Variants in ULK4 observed in about 807,000 individuals in gnomAD.
The protein encoded by ULK4 is inactive serine/threonine-protein kinase ULK4.
ULK4 carries 133 observed loss-of-function variants against 160.6 expected under a neutral mutation model. The ratio of observed to expected loss-of-function variants is 0.83; its 90% CI spans 0.72 to 0.96. ULK4 has a LOEUF of 0.96. ULK4 is among the 40% of genes least tolerant of loss of function. The pLI is 0.00. For missense variants in ULK4, 1,580 were observed against 1,499.5 expected, an observed-to-expected ratio of 1.05 and a Z score of -0.89; for synonymous variants, 534 against 539.8, an observed-to-expected ratio of 0.99 and a Z score of 0.15.
At chr3:41,326,450 A>T (rs2080339742) in intron 35 of ULK4, among the ~76,000 whole-genome samples, 1 of 136,894 alleles carries the variant, frequency 7.3e-6, no homozygotes, top group Non-Finnish European at 1.5e-5. Flanking sequence ...ATGCATATAT[A>T]CATATATATA....
chr3:41,812,739 C>T (rs2040853969), intron 19 of ULK4, among the ~76,000 whole-genome samples: 1 of 152,212 alleles, frequency 6.6e-6, no homozygotes, highest in South Asian at 2.1e-4. Flanking sequence ...CCTTCCATTG[C>T]TTTGCCCTTC....
chr3:41,854,950 A>T (rs921274618), intron 17 of ULK4: 3 of 51,078 alleles, frequency 5.9e-5, no homozygotes, highest in East Asian at 7.1e-4. Context: ...TCCTTGGCTT[A>T]AAAAAAAAAA....
chr3:41,613,867 A>G (rs1352862366), intron 31 of ULK4, among the ~76,000 whole-genome samples: 1 of 152,224 alleles, frequency 6.6e-6, no homozygotes, highest in African/African-American at 2.4e-5. Context: ...AAAGAGCACC[A>G]TCCCTGACAT....
chr3:41,460,553 AGCCCTATGCTAG>A (rs147440994), intron 33 of ULK4, among the ~76,000 whole-genome samples: 388 of 152,302 alleles, frequency 2.5e-3, no homozygotes, highest in African/African-American at 9.0e-3. Flanking sequence ...ACAGGTGCCT[AGCCCTATGCTAG>A]GCTCATAAGT....
At chr3:41,441,214 T>C (rs1211796551) in intron 34 of ULK4, among the ~76,000 whole-genome samples, 1 of 152,104 alleles carries the variant, frequency 6.6e-6, no homozygotes. Flanking sequence ...CTTTTTCTAG[T>C]CTTTTAAGGT....
chr3:41,397,529 T>C (rs1400739238), intron 35 of ULK4, among the ~76,000 whole-genome samples: 1 of 152,048 alleles, frequency 6.6e-6, no homozygotes, highest in Non-Finnish European at 1.5e-5. Flanking sequence ...TGAAGAAACA[T>C]CAAACAGACC....
At chr3:41,607,593 C>T (rs2032441108) in intron 31 of ULK4, among the ~76,000 whole-genome samples, 1 of 152,114 alleles carries the variant, frequency 6.6e-6, no homozygotes, top group Non-Finnish European at 1.5e-5. Context: ...TGTAACAATT[C>T]AACTTGCAAG....
At chr3:41,748,280 ATAT>A (rs1321115827) in intron 22 of ULK4, among the ~76,000 whole-genome samples, 1 of 151,234 alleles carries the variant, frequency 6.6e-6, no homozygotes, top group Non-Finnish European at 1.5e-5. Context: ...CACACGATAT[ATAT>A]TATATATATA....
At chr3:41,269,587 A>G (rs1366703877) in intron 35 of ULK4, among the ~76,000 whole-genome samples, 1 of 152,246 alleles carries the variant, frequency 6.6e-6, no homozygotes, top group Non-Finnish European at 1.5e-5. Context: ...ATAATGAAAC[A>G]TGAGTTAAGG....
At chr3:41,444,314 G>C (rs2083241885) in intron 34 of ULK4, among the ~76,000 whole-genome samples, 1 of 150,376 alleles carries the variant, frequency 6.6e-6, no homozygotes. Context: ...TAATTCTTTT[G>C]ACCACTTTTC....
intron 30 of ULK4, among the ~76,000 whole-genome samples, chr3:41,634,649 C>A (rs979841389): frequency 6.6e-6 from 1 of 152,152 alleles, no homozygotes; most frequent in African/African-American, 2.4e-5. Context: ...AGGAGAGATG[C>A]CTCTAGGTTC....
chr3:41,535,503 T>C (rs147337509), intron 32 of ULK4, among the ~76,000 whole-genome samples: 2 of 152,268 alleles, frequency 1.3e-5, no homozygotes, highest in Non-Finnish European at 2.9e-5. Flanking sequence ...TACTGTATGT[T>C]TGAAATAGGG....
intron 35 of ULK4, among the ~76,000 whole-genome samples, chr3:41,321,560 G>C (rs1419724500): frequency 6.6e-6 from 1 of 151,956 alleles, no homozygotes; most frequent in African/African-American, 2.4e-5. Context: ...TGGTCAGGCA[G>C]TTGTTAACTG....
intron 30 of ULK4, among the ~76,000 whole-genome samples, chr3:41,646,422 T>C (rs554752074): frequency 1.1e-3 from 175 of 152,346 alleles, no homozygotes; most frequent in African/African-American, 4.0e-3. Context: ...TGCTTGTCTG[T>C]AAAGTGTTTT....
In ULK4 at chr3:41,681,817, A is replaced by G. The variant is rs1185346828; in HGVS notation, c.2782-13T>C. The stretch of plus-strand genomic sequence containing the variant: ...TATAGTCAACAACCTAAAAGAAAGC[A>G]TGTAAAAGACTCAGAATCTCTATGA... On this transcript the variant is annotated splice_polypyrimidine_tract_variant and intron_variant, in intron 27 of 36. Coordinates refer to ENST00000301831, the MANE Select transcript of ULK4 (RefSeq NM_017886.4). 1 of 1,613,740 alleles carries G rather than the reference A, an allele frequency of 6.2e-7. No homozygotes were observed. The highest frequency in any genetic ancestry group is 1.3e-5 in the African/African-American group (1 of 74,912).
chr3:41,354,988 T>C (rs1047437899), intron 35 of ULK4, among the ~76,000 whole-genome samples: 6 of 152,194 alleles, frequency 3.9e-5, no homozygotes, highest in African/African-American at 1.4e-4. Flanking sequence ...GAGGTTCCTG[T>C]TCATCAATTC....
intron 18 of ULK4, among the ~76,000 whole-genome samples, chr3:41,822,474 G>A (rs563104083): frequency 6.6e-6 from 1 of 152,186 alleles, no homozygotes; most frequent in East Asian, 1.9e-4. Flanking sequence ...CTGGAGTGCA[G>A]TGGCATGATC....
chr3:41,432,804 C>T (rs1414507433), intron 34 of ULK4, among the ~76,000 whole-genome samples: 3 of 151,944 alleles, frequency 2.0e-5, no homozygotes, highest in Non-Finnish European at 2.9e-5. Flanking sequence ...GAACAAAATG[C>T]CTGAAATCTT....
intron 19 of ULK4, among the ~76,000 whole-genome samples, chr3:41,803,839 T>C (rs1409325619): frequency 2.0e-5 from 3 of 152,256 alleles, no homozygotes; most frequent in African/African-American, 4.8e-5. Context: ...GGCTGCATAG[T>C]ATTCCATGCT....
Sources: allele counts gnomAD v4.1 joint callset (sites outside exome capture counted in the v4.1 genomes callset), GRCh38; gene constraint gnomAD v4.1.1; transcripts MANE v1.5; gene names NCBI Gene and HGNC (gene_info 2026-07-23, HGNC 2026-07-21).